Variants in DMXL1 observed in about 807,000 individuals in gnomAD.
The protein encoded by DMXL1 is Dmx like 1, also known as dmX-like protein 1.
Under a neutral mutation model 319.2 loss-of-function variants are expected in DMXL1, and 99 were observed. That is an observed-to-expected ratio of 0.31 (90% CI 0.26 to 0.37). The LOEUF (loss-of-function observed/expected upper bound fraction) is 0.37, where lower values mean the gene tolerates loss of function less well. Ranked by LOEUF, DMXL1 falls within the 10% of genes least tolerant of loss-of-function variation. The pLI, the probability that DMXL1 is intolerant of heterozygous loss-of-function variation, is 1.00. For missense variants in DMXL1, 3,745 were observed against 3,595.6 expected (o/e 1.04, Z -1.06); for synonymous variants, 1,385 against 1,235.2 (o/e 1.12, Z -2.54).
intron 38 of DMXL1, among the ~76,000 whole-genome samples, chr5:119,230,344 G>A (rs1212278590): frequency 6.6e-6 from 1 of 151,732 alleles, no homozygotes; most frequent in East Asian, 1.9e-4. Context: ...AAAACATTTG[G>A]GTCTGTTTCT....
intron 8 of DMXL1, among the ~76,000 whole-genome samples, chr5:119,120,530 C>T (rs529686113): frequency 1.3e-5 from 2 of 152,128 alleles, no homozygotes; most frequent in Non-Finnish European, 2.9e-5. Flanking sequence ...TATGAAAATG[C>T]TTTGTAAATT....
intron 9 of DMXL1, among the ~76,000 whole-genome samples, chr5:119,125,813 C>G (rs1179014544): frequency 2.6e-5 from 4 of 152,286 alleles, no homozygotes; most frequent in East Asian, 1.9e-4. Flanking sequence ...ATCCACCCAC[C>G]TTGACCTCCC....
At chr5:119,225,300 A>G (rs1430749427) in intron 38 of DMXL1, among the ~76,000 whole-genome samples, 1 of 152,006 alleles carries the variant, frequency 6.6e-6, no homozygotes, top group East Asian at 1.9e-4. Flanking sequence ...ATTCTAAGGC[A>G]GAATATATGT....
rs1460426388 is a variant in DMXL1, at chr5:119,170,385, A to G, written c.5594A>G (p.His1865Arg). 6.2e-7 allele frequency: 1 copy of G among 1,613,906 alleles called. No homozygotes were observed. The highest frequency in any genetic ancestry group is 8.5e-7 in the Non-Finnish European group (1 of 1,179,954). ...RRLFFTTASA[H>R]LKAGCPMLAL... ...TTATTTTTTACCACTGCCAGTGCTC[A>G]TTTAAAAGCTGGCTGCCCAATGTTG... Residue 1865 changes from histidine (H) to arginine (R), a missense_variant, in exon 24 of 44, where the codon CAT (histidine) becomes CGT (arginine). Physicochemically the swap from His to Arg is conservative, Grantham distance 29. Coordinates refer to ENST00000539542, the MANE Select transcript of DMXL1 (RefSeq NM_001290321.3).
At chr5:119,232,601 AT>A (rs1786975667) in intron 38 of DMXL1, among the ~76,000 whole-genome samples, 1 of 152,162 alleles carries the variant, frequency 6.6e-6, no homozygotes, top group African/African-American at 2.4e-5. Context: ...TCTCAGAGAG[AT>A]TAAGTAAATT....
chr5:119,135,923 C>G (rs1479955039), intron 13 of DMXL1, among the ~76,000 whole-genome samples: 1 of 152,068 alleles, frequency 6.6e-6, no homozygotes, highest in Non-Finnish European at 1.5e-5. Context: ...AAGGATAACC[C>G]AAAATGTGGA....
chr5:119,171,079 A>C lies in DMXL1; in HGVS notation c.6288A>C (p.Leu2096Phe). The C allele has an allele frequency of 6.2e-7, 1 of 1,613,912 alleles. No homozygotes were observed. The highest frequency in any genetic ancestry group is 8.5e-7 in the Non-Finnish European group (1 of 1,179,872). ...GCAGAAATGAAGATGAATTTGGATT[A>C]AATGAGGATGCTGAAGATTTGCCTC... ...AFGRNEDEFG[L>F]NEDAEDLPHQ... The change falls in exon 24 of 44, where the codon TTA becomes TTC. Residue 2096 changes from leucine to phenylalanine, a missense_variant. By Grantham distance (22) the Leu-to-Phe change is conservative. This residue lies in a region of DMXL1 where 1,382 missense variants were observed against 1,269.5 expected (regional missense o/e 1.09). Coordinates refer to ENST00000539542, the MANE Select transcript of DMXL1 (RefSeq NM_001290321.3).
At chr5:119,187,096 C>T (rs537347904) in intron 28 of DMXL1, among the ~76,000 whole-genome samples, 28 of 152,072 alleles carry the variant, frequency 1.8e-4, no homozygotes, top group African/African-American at 5.5e-4. Flanking sequence ...AAAGTGCTTC[C>T]TGGGAAAGCA....
At chr5:119,166,838 A>G (rs1773535538) in intron 22 of DMXL1, 57 bp downstream of exon 22, 3 of 1,396,036 alleles carry the variant, frequency 2.1e-6, no homozygotes, top group Non-Finnish European at 2.9e-6. Context: ...AAAGCTCCTT[A>G]GTGCTTAAAT....
intron 19 of DMXL1, among the ~76,000 whole-genome samples, chr5:119,155,693 T>G (rs1339498438): frequency 2.0e-5 from 3 of 151,670 alleles, no homozygotes; most frequent in Admixed American, 2.0e-4. Flanking sequence ...GTAGGTTTAG[T>G]GTTACGTGCC....
intron 28 of DMXL1, among the ~76,000 whole-genome samples, chr5:119,183,421 T>C (rs1777122185): frequency 6.6e-6 from 1 of 152,180 alleles, no homozygotes; most frequent in African/African-American, 2.4e-5. Context: ...ATAAGGAACT[T>C]TTAAAAGACT....
chr5:119,188,655 C>T (rs1243996011), intron 28 of DMXL1, among the ~76,000 whole-genome samples: 4 of 152,206 alleles, frequency 2.6e-5, no homozygotes, highest in African/African-American at 7.2e-5. Context: ...TTTAATCTCA[C>T]AGTTCCTTTT....
chr5:119,089,489 G>T (rs1026808007), intron 1 of DMXL1, among the ~76,000 whole-genome samples: 1 of 149,656 alleles, frequency 6.7e-6, no homozygotes, highest in African/African-American at 2.5e-5. Flanking sequence ...TATTTTTTTA[G>T]TAGAGATGGG....
rs971636853 is a variant in DMXL1 at position 119,121,262 on chromosome 5, CT to C, written c.1102+133del. ...GAGGTGACTGTCTTAGCCTATTTTT[CT>C]TTTTTTTTTCTTTTTTTTTAATTTA... is the stretch of plus-strand genomic sequence containing the variant. On this transcript the variant is annotated intron_variant, in intron 9 of 43. Transcript: ENST00000539542. The C allele has an allele frequency of 1.1e-3, 726 of 644,558 alleles. 1 individual carries two copies. Among genetic ancestry groups the C allele is most frequent in the East Asian group, 1.4e-3 (35 of 24,766 alleles). The allele number at this position is 644,558 out of a possible 1,614,324, so 39.9% of individuals were successfully genotyped here.
At chr5:119,178,276 C>G (rs1459532585) in intron 28 of DMXL1, 32 bp downstream of exon 28, 4 of 1,592,980 alleles carry the variant, frequency 2.5e-6, no homozygotes, top group Non-Finnish European at 2.6e-6. Context: ...AGGACTGAAG[C>G]TTTATTTATC....
intron 3 of DMXL1, chr5:119,104,185 C>CA (rs1160780359): frequency 1.3e-5 from 2 of 152,194 alleles, no homozygotes; most frequent in Non-Finnish European, 2.9e-5. Flanking sequence ...CCATTGGATA[C>CA]ATGTGCCCAA....
At chr5:119,110,474 A>G (rs1439167989) in intron 5 of DMXL1, among the ~76,000 whole-genome samples, 191 bp downstream of exon 5, 2 of 152,240 alleles carry the variant, frequency 1.3e-5, no homozygotes, top group Admixed American at 6.5e-5. Flanking sequence ...AAAAATGTCA[A>G]TTAAAATAGG....
At chr5:119,225,333 A>G (rs1381625219) in intron 38 of DMXL1, among the ~76,000 whole-genome samples, 2 of 152,056 alleles carry the variant, frequency 1.3e-5, no homozygotes, top group African/African-American at 4.8e-5. Context: ...TCTTCCTAGG[A>G]ATCTTAAAAG....
intron 13 of DMXL1, among the ~76,000 whole-genome samples, chr5:119,141,027 A>T (rs1431030613): frequency 2.6e-5 from 4 of 152,220 alleles, no homozygotes; most frequent in African/African-American, 9.7e-5. Flanking sequence ...TGATAGATGC[A>T]GAAAAGGTTT....
Sources: gnomAD v4.1 joint callset for allele counts (sites outside exome capture counted in the v4.1 genomes callset) on GRCh38, gnomAD v4.1.1 for gene constraint, gnomAD v4.1.1 regional missense constraint, MANE v1.5 for transcripts, NCBI Gene and HGNC (gene_info 2026-07-23, HGNC 2026-07-21) for gene names.